Variants in RAI14 observed in about 807,000 individuals in gnomAD.
RAI14 encodes ankycorbin.
In RAI14, 45 loss-of-function variants were observed where a neutral mutation model predicts 115.4. The observed-to-expected ratio is 0.39, with a 90% CI of 0.31 to 0.50. The LOEUF is 0.50. Ranked by LOEUF, RAI14 falls within the 20% of genes least tolerant of loss-of-function variation. The probability of loss-of-function intolerance (pLI) is 0.85; values close to 1 mark genes in which losing one functional copy is unlikely to be tolerated. For synonymous variants in RAI14, 371 were observed against 415.4 expected (o/e 0.89, Z 1.30); for missense variants, 939 against 1,131.2 (o/e 0.83, Z 2.44).
chr5:34,813,567 C>G lies in RAI14; in HGVS notation c.766-7C>G. The stretch of plus-strand genomic sequence containing the variant: ...ACCTCCATTCTTTGGACTGTGATAA[C>G]TTTCAGCATGACCAAGTCTCTAAAA... On this transcript the variant is annotated splice_region_variant and splice_polypyrimidine_tract_variant and intron_variant, in intron 10 of 17. Transcript: ENST00000265109. 1 of 1,609,670 alleles carries G rather than the reference C, an allele frequency of 6.2e-7. No homozygotes were observed. The highest frequency in any genetic ancestry group is 8.5e-7 in the Non-Finnish European group (1 of 1,176,662).
chr5:34,679,798 G>A (rs533956194), intron 1 of RAI14, among the ~76,000 whole-genome samples: 1 of 152,254 alleles, frequency 6.6e-6, no homozygotes, highest in East Asian at 1.9e-4. Context: ...AAACCTTAGT[G>A]CTTTTCTCTT....
chr5:34,687,459 T>C, intron 2 of RAI14: 1 of 932,482 alleles, frequency 1.1e-6, no homozygotes, highest in African/African-American at 1.7e-5. Context: ...TTCCAGGGAC[T>C]CGTACTCATT....
At chr5:34,811,716 A>G (rs1755611280) in intron 8 of RAI14, 51 bp from the exon 9 acceptor site, 3 of 1,483,316 alleles carry the variant, frequency 2.0e-6, no homozygotes, top group Non-Finnish European at 2.7e-6. Flanking sequence ...TTCCCAAGAA[A>G]GACTTTTTAC....
At position 34,771,117 on chromosome 5, in the gene RAI14, A is replaced by G. The variant is rs565050962; in HGVS notation, c.167+13519A>G. ...GAGTCGTGGGTGTATTAGGGAGAAA[A>G]TACCCTTGGGGCAGGGCAGTGATCT... is the stretch of plus-strand genomic sequence containing the variant. On this transcript the variant is annotated intron_variant, in intron 3 of 17. Coordinates refer to ENST00000265109, the MANE Select transcript of RAI14 (RefSeq NM_015577.3). Among the ~76,000 whole-genome samples the G allele has an allele frequency of 1.8e-3, 267 of 152,254 alleles. 1 individual carries two copies. Among genetic ancestry groups the G allele is most frequent in the Admixed American group, 2.2e-3 (33 of 15,288 alleles).
At position 34,753,726 on chromosome 5, in the gene RAI14, T is replaced by C. The variant is rs138232653; in HGVS notation, c.37-3742T>C. Among the ~76,000 whole-genome samples the C allele has an allele frequency of 9.5e-3, 1,452 of 152,172 alleles. 12 individuals are homozygous for C. Among genetic ancestry groups the C allele is most frequent in the Non-Finnish European group, 0.012 (824 of 67,982 alleles). ...GTCAAGCGCTCAAGACCATCCTGGC[T>C]AACATGGTGAAACCCCACCTCTACT... On this transcript the variant is annotated intron_variant, in intron 2 of 17. Transcript: ENST00000265109.
intron 2 of RAI14, among the ~76,000 whole-genome samples, chr5:34,753,594 A>G (rs1747438026): frequency 6.6e-6 from 1 of 152,098 alleles, no homozygotes; most frequent in Non-Finnish European, 1.5e-5. Context: ...AGCCTGGCCA[A>G]TGTGGTGAAA....
chr5:34,814,131 T>C (rs1315926563), intron 11 of RAI14, among the ~76,000 whole-genome samples: 1 of 152,236 alleles, frequency 6.6e-6, no homozygotes, highest in Non-Finnish European at 1.5e-5. Flanking sequence ...TTTTCATTTC[T>C]GAGCTTTATA....
chr5:34,722,667 G>C (rs1742922359), intron 2 of RAI14, among the ~76,000 whole-genome samples: 1 of 152,054 alleles, frequency 6.6e-6, no homozygotes, highest in African/African-American at 2.4e-5. Flanking sequence ...CCAGCATGGT[G>C]AAACCCCGTC....
intron 2 of RAI14, among the ~76,000 whole-genome samples, chr5:34,701,124 G>A (rs915193528): frequency 5.9e-5 from 9 of 152,166 alleles, no homozygotes; most frequent in Admixed American, 4.6e-4. Context: ...AAATTCCTAT[G>A]TAGGGGGTCT....
intron 3 of RAI14, among the ~76,000 whole-genome samples, chr5:34,772,590 A>G (rs986662386): frequency 2.0e-5 from 3 of 152,136 alleles, no homozygotes; most frequent in African/African-American, 4.8e-5. Flanking sequence ...TTGTTATTCA[A>G]CTGCCTCAGA....
chr5:34,740,691 C>T (rs1561297253), intron 2 of RAI14, among the ~76,000 whole-genome samples: 1 of 152,282 alleles, frequency 6.6e-6, no homozygotes, highest in East Asian at 1.9e-4. Flanking sequence ...GTCTGAAGCC[C>T]AGACCAGACT....
intron 3 of RAI14, among the ~76,000 whole-genome samples, chr5:34,779,254 A>G (rs1161897412): frequency 2.0e-5 from 3 of 152,194 alleles, no homozygotes; most frequent in African/African-American, 7.2e-5. Flanking sequence ...TGACAAACCC[A>G]CAGCCAATAT....
intron 1 of RAI14, among the ~76,000 whole-genome samples, chr5:34,667,987 G>T (rs1743343629): frequency 6.6e-6 from 1 of 152,164 alleles, no homozygotes; most frequent in African/African-American, 2.4e-5. Flanking sequence ...AATTACTTCT[G>T]TTGCCGAGAC....
intron 2 of RAI14, among the ~76,000 whole-genome samples, chr5:34,749,694 A>G (rs1380087435): frequency 1.3e-5 from 2 of 152,352 alleles, no homozygotes; most frequent in East Asian, 3.9e-4. Flanking sequence ...ATATATTAGC[A>G]GGAATGTTTG....
chr5:34,697,570 G>C (rs1739422618), intron 2 of RAI14, among the ~76,000 whole-genome samples: 1 of 152,108 alleles, frequency 6.6e-6, no homozygotes, highest in African/African-American at 2.4e-5. Context: ...GATAAGGTGT[G>C]GGATGAACAA....
At position 34,830,816 on chromosome 5, in the gene RAI14, A is replaced by G. The variant is rs753718094; in HGVS notation, c.*51A>G. The G allele has an allele frequency of 6.2e-7, 1 of 1,610,908 alleles. No homozygotes were observed. The highest frequency in any genetic ancestry group is 8.5e-7 in the Non-Finnish European group (1 of 1,178,316). On this transcript the variant is annotated 3_prime_UTR_variant, in exon 18 of 18. Transcript: ENST00000265109. ...CCCTTGTCATCTGTCTTTGTGTTAGATCCAGAGTTGTCGGCAGCCGCTGCC... is the reference window on the plus strand; with the variant it reads ...CCCTTGTCATCTGTCTTTGTGTTAGGTCCAGAGTTGTCGGCAGCCGCTGCC...
intron 1 of RAI14, chr5:34,656,729 C>T (rs1742291180): frequency 6.6e-6 from 1 of 152,342 alleles, no homozygotes; most frequent in African/African-American, 2.4e-5. Context: ...AAGACCCGGC[C>T]AAGTTAGGAG....
At chr5:34,818,444 A>G (rs1382825150) in intron 12 of RAI14, among the ~76,000 whole-genome samples, 4 of 152,226 alleles carry the variant, frequency 2.6e-5, no homozygotes, top group Non-Finnish European at 4.4e-5. Flanking sequence ...TTACGAAAGC[A>G]CTATTTGCTG....
intron 3 of RAI14, among the ~76,000 whole-genome samples, chr5:34,786,166 C>G (rs1000281694): frequency 2.0e-5 from 3 of 152,180 alleles, no homozygotes; most frequent in Admixed American, 1.3e-4. Flanking sequence ...CATGCCATTT[C>G]CCAAATTTAA....
Sources: gnomAD v4.1 joint callset for allele counts (sites outside exome capture counted in the v4.1 genomes callset) on GRCh38, gnomAD v4.1.1 for gene constraint, MANE v1.5 for transcripts, NCBI Gene and HGNC (gene_info 2026-07-23, HGNC 2026-07-21) for gene names.